The following SULT1E1 variants were observed in gnomAD, a reference collection of about 807,000 sequenced individuals.
SULT1E1 encodes sulfotransferase family 1E member 1.
A neutral mutation model predicts 33.6 loss-of-function variants in SULT1E1; 36 were observed. The ratio of observed to expected loss-of-function variants is 1.07; its 90% confidence interval spans 0.82 to 1.41. The LOEUF (loss-of-function observed/expected upper bound fraction) is 1.41. Ranked by LOEUF, SULT1E1 falls within the 40% of genes most tolerant of loss-of-function variation. SULT1E1 has a pLI of 0.00. For missense variants in SULT1E1, 371 were observed against 345.7 expected (o/e 1.07, Z -0.58); for synonymous variants, 121 against 111.7 (o/e 1.08, Z -0.53).
chr4:69,838,513 G>C (rs1051191349), downstream of SULT1E1: 1 of 152,184 alleles, frequency 6.6e-6, no homozygotes, highest in African/African-American at 2.4e-5. Flanking sequence ...TGTCAGCAAA[G>C]GGAGCAGAAG....
chr4:69,850,952 G>T (rs1242356310), intron 4 of SULT1E1, among the ~76,000 whole-genome samples: 1 of 152,056 alleles, frequency 6.6e-6, no homozygotes, highest in Non-Finnish European at 1.5e-5. Flanking sequence ...CTTTCCTGAA[G>T]ATATGACTTG....
intron 1 of SULT1E1, among the ~76,000 whole-genome samples, chr4:69,859,797 G>C (rs1721327033): frequency 6.6e-6 from 1 of 152,166 alleles, no homozygotes; most frequent in Admixed American, 6.5e-5. Context: ...GCACTTTTAA[G>C]ATAGCAATGG....
chr4:69,838,509 C>T (rs1720832489), downstream of SULT1E1: 1 of 152,296 alleles, frequency 6.6e-6, no homozygotes, highest in South Asian at 2.1e-4. Context: ...TAGGTGTCAG[C>T]AAAGGGAGCA....
Position 69,841,288 on chromosome 4 carries a change from G to A in SULT1E1, c.*706C>T, listed in dbSNP as rs1017277152. On this transcript the variant is annotated 3_prime_UTR_variant, in exon 8 of 8. Transcript: ENST00000226444. ...CTGTGTTACTACATCATTCCCATAGGTTATAGTTGTGCATGATATTTATAA... is the reference window on the plus strand; with the variant it reads ...CTGTGTTACTACATCATTCCCATAGATTATAGTTGTGCATGATATTTATAA... 3 of 151,932 alleles carry A rather than the reference G, an allele frequency of 2.0e-5. No individual in the cohort carries two copies. The highest frequency in any genetic ancestry group is 2.1e-4 in the South Asian group (1 of 4,822). The allele number at this position is 151,932 out of a possible 1,614,324, so 9.4% of individuals were successfully genotyped here.
intron 6 of SULT1E1, 140 bp from the exon 7 acceptor site, chr4:69,844,481 A>C (rs11573790): frequency 0.016 from 10,419 of 658,276 alleles, 129 homozygotes; most frequent in Admixed American, 0.021. Context: ...TAATTGGGGG[A>C]ATTTTATAAA....
chr4:69,845,353 TG>T (rs1438076056), intron 6 of SULT1E1, among the ~76,000 whole-genome samples: 1 of 151,764 alleles, frequency 6.6e-6, no homozygotes, highest in Non-Finnish European at 1.5e-5. Context: ...TCATTTACCT[TG>T]ATGTGATTAT....
chr4:69,847,033 TAGTA>T (rs1311564031), intron 6 of SULT1E1, among the ~76,000 whole-genome samples: 1 of 151,700 alleles, frequency 6.6e-6, no homozygotes, highest in African/African-American at 2.4e-5. Context: ...TGCTAATACT[TAGTA>T]AGAACCATTA....
chr4:69,860,048 C>T lies in SULT1E1; in HGVS notation c.-10+1G>A, dbSNP rs973744320. 3.3e-5 allele frequency: 5 copies of T among 151,792 alleles called. No individual in the cohort carries two copies. The highest frequency in any genetic ancestry group is 1.3e-4 in the Admixed American group (2 of 15,234). 9.4% of individuals were successfully genotyped at this position (151,792 alleles called of 1,614,324 possible). A position where few individuals can be genotyped will look rare whatever the true frequency, so the allele number is the denominator to read the frequency against. On this transcript the variant is annotated splice_donor_variant, in intron 1 of 7. Transcript: ENST00000226444. LOFTEE classifies it low-confidence loss of function (5UTR_SPLICE). ...TGATATTAATAATAAAAAAGTACAA[C>T]CTGTTTAGTTGATCCTGTGAAAGAA...
chr4:69,844,201 G>T lies in SULT1E1; in HGVS notation c.732C>A (p.Asp244Glu). 6.2e-7 allele frequency: 1 copy of T among 1,613,800 alleles called. No homozygotes were observed. Among genetic ancestry groups the T allele is most frequent in the Admixed American group, 1.7e-5 (1 of 60,000 alleles). ...GCGACAATTTCTGGTTCATAATTTC[G>T]TCTGGCAGTGTTGTGTAATTTGTGG... The part of the protein sequence containing the change: ...NPSTNYTTLP[D>E]EIMNQKLSPF... Residue 244 changes from aspartate to glutamate, a missense_variant, in exon 7 of 8, where the codon GAC (aspartate) becomes GAA (glutamate). By Grantham distance (45) the Asp-to-Glu change is conservative. Coordinates refer to ENST00000226444, the MANE Select transcript of SULT1E1 (RefSeq NM_005420.3).
At chr4:69,851,154 C>T (rs1721093775) in intron 4 of SULT1E1, among the ~76,000 whole-genome samples, 2 of 152,220 alleles carry the variant, frequency 1.3e-5, no homozygotes, top group Admixed American at 6.5e-5. Context: ...AGCTTCTGCA[C>T]AGCAAAAGAA....
chr4:69,832,906 T>C, the SULT1E1 span, among the ~76,000 whole-genome samples: 1 of 152,192 alleles, frequency 6.6e-6, no homozygotes, highest in Non-Finnish European at 1.5e-5. Flanking sequence ...ATAGGAGAAC[T>C]TATCTCCTCA....
intron 1 of SULT1E1, among the ~76,000 whole-genome samples, chr4:69,857,914 G>A (rs1188825576): frequency 1.3e-5 from 2 of 152,122 alleles, no homozygotes; most frequent in African/African-American, 2.4e-5. Context: ...AAATAAAAAT[G>A]TGGATATATT....
At chr4:69,827,239 T>C in the SULT1E1 span, among the ~76,000 whole-genome samples, 1 of 152,162 alleles carries the variant, frequency 6.6e-6, no homozygotes, top group African/African-American at 2.4e-5. Flanking sequence ...ATGAAAAGAA[T>C]GTGGCTTTAA....
At chr4:69,850,252 T>C (rs1721074466) in intron 4 of SULT1E1, among the ~76,000 whole-genome samples, 1 of 151,996 alleles carries the variant, frequency 6.6e-6, no homozygotes, top group Non-Finnish European at 1.5e-5. Flanking sequence ...AAACAAATGA[T>C]TTGTGTTAGA....
chr4:69,859,849 C>T (rs555696160), intron 1 of SULT1E1, among the ~76,000 whole-genome samples, 200 bp downstream of exon 1: 1 of 152,158 alleles, frequency 6.6e-6, no homozygotes, highest in South Asian at 2.1e-4. Flanking sequence ...CAAAATACTA[C>T]ATAAATGTAA....
rs1005385959 is a variant in SULT1E1, at chr4:69,856,829, G to A, written c.145+671C>T. 3.3e-5 allele frequency among the ~76,000 whole-genome samples: 5 copies of A among 150,986 alleles called. No individual in the cohort carries two copies. The South Asian group carries it at 6.3e-4, about 19-fold the overall frequency. ...CGGGCGCCTGCAGTCCCAGCTACTC[G>A]GGAGGCTGAGGAAGGAGAATGGCAG... On this transcript the variant is annotated intron_variant, in intron 2 of 7. Transcript: ENST00000226444.
rs575035633 is a variant in SULT1E1, at chr4:69,843,127, C to T, written c.773-1021G>A. On this transcript the variant is annotated intron_variant, in intron 7 of 7. Transcript: ENST00000226444. ...CTGGGATTACAGGTGTGAGCCACCG[C>T]GCCCAGCCCACCTTCTTTTTTAAAC... Among the ~76,000 whole-genome samples, 6 of 152,182 alleles carry T rather than the reference C, an allele frequency of 3.9e-5. No homozygotes were observed. In the South Asian group the frequency reaches 6.2e-4, roughly 16 times the overall value.
chr4:69,842,089 T>G lies in SULT1E1; in HGVS notation c.790A>C (p.Lys264Gln). The change falls in exon 8 of 8, where the codon AAA becomes CAA. Residue 264 changes from lysine to glutamine, a missense_variant. By Grantham distance (53) the Lys-to-Gln change is moderately conservative. Coordinates refer to ENST00000226444, the MANE Select transcript of SULT1E1 (RefSeq NM_005420.3). ...FMRKGITGDW[K>Q]NHFTVALNEK... is the part of the protein sequence containing the mutation. ...TTCAGGGCTACTGTAAAGTGATTTTTCCAGTCTCCTGTAATTCCTGTAACA... is the reference window on the plus strand; with the variant it reads ...TTCAGGGCTACTGTAAAGTGATTTTGCCAGTCTCCTGTAATTCCTGTAACA... 6.2e-7 allele frequency: 1 copy of G among 1,602,982 alleles called. No individual in the cohort carries two copies. Among genetic ancestry groups the G allele is most frequent in the Non-Finnish European group, 8.5e-7 (1 of 1,173,148 alleles).
At chr4:69,853,782 G>C (rs1011375611) in intron 4 of SULT1E1, among the ~76,000 whole-genome samples, 1 of 152,052 alleles carries the variant, frequency 6.6e-6, no homozygotes, top group Non-Finnish European at 1.5e-5. Flanking sequence ...TGGTTCATTT[G>C]CATGCCTAAC....
Sources: gnomAD v4.1 joint callset for allele counts (sites outside exome capture counted in the v4.1 genomes callset) on GRCh38, gnomAD v4.1.1 for gene constraint, MANE v1.5 for transcripts, NCBI Gene and HGNC (gene_info 2026-07-23, HGNC 2026-07-21) for gene names.